Variants in TUBGCP2 observed in about 807,000 individuals in gnomAD.
TUBGCP2 encodes tubulin gamma complex component 2.
Under a neutral mutation model 92.2 loss-of-function variants are expected in TUBGCP2, and 55 were observed. The ratio of observed to expected loss-of-function variants is 0.60; its 90% CI spans 0.48 to 0.75. The LOEUF is 0.75. TUBGCP2 is among the 30% of genes least tolerant of loss of function. The pLI is 0.00. For missense variants in TUBGCP2, 1,093 were observed against 1,188.9 expected, an observed-to-expected ratio of 0.92 and a Z score of 1.19; for synonymous variants, 533 against 505.2, an observed-to-expected ratio of 1.06 and a Z score of -0.74.
At chr10:133,283,782 C>T (rs1847056495) in intron 14 of TUBGCP2, 100 bp downstream of exon 14, 2 of 1,547,058 alleles carry the variant, frequency 1.3e-6, no homozygotes, top group South Asian at 1.2e-5. Context: ...CTCTCCTGCA[C>T]TCCCTGCCTC....
intron 17 of TUBGCP2, among the ~76,000 whole-genome samples, chr10:133,280,290 T>C (rs573310951): frequency 2.0e-5 from 3 of 152,256 alleles, no homozygotes; most frequent in African/African-American, 7.2e-5. Flanking sequence ...GGCCTAGCAA[T>C]GGGGCCTGAG....
chr10:133,308,361 G>A (rs1847878635), intron 1 of TUBGCP2: 1 of 152,244 alleles, frequency 6.6e-6, no homozygotes, highest in Non-Finnish European at 1.5e-5. Context: ...ACCAGGAAAG[G>A]GCCTTTGAAC....
rs775339069 is a variant in TUBGCP2 at position 133,285,574 on chromosome 10, C to T, written c.1777G>A (p.Glu593Lys). ...ITQLLRVLAI[E>K]TKQEKAMAHA... ...GCCATCGCCTTCTCCTGCTTGGTCT[C>T]GATGGCCAGGACGCGCAAGAGCTGA... Residue 593 changes from glutamate to lysine, a missense_variant, in exon 12 of 18, where the codon GAG becomes AAG. Glu to Lys is a moderately conservative substitution (Grantham distance 56). This residue lies in a region of TUBGCP2 where 598 missense variants were observed against 675.5 expected (regional missense o/e 0.89). Coordinates refer to ENST00000252936, the MANE Select transcript of TUBGCP2 (RefSeq NM_006659.4). The surrounding 1 kb of genome is among the most constrained non-coding windows in gnomAD (Gnocchi z 6.8). The T allele has an allele frequency of 3.8e-6, 6 of 1,559,304 alleles. No individual in the cohort carries two copies. The highest frequency in any genetic ancestry group is 4.3e-6 in the Non-Finnish European group (5 of 1,150,064).
Position 133,308,855 on chromosome 10 carries a change from C to A in TUBGCP2, c.-72G>T, listed in dbSNP as rs1847902543. 2 of 1,131,386 alleles carry A rather than the reference C, an allele frequency of 1.8e-6. No homozygotes were observed. Among genetic ancestry groups the A allele is most frequent in the South Asian group, 9.0e-5 (2 of 22,230 alleles). 70.1% of individuals were successfully genotyped at this position (1,131,386 alleles called of 1,614,324 possible). On this transcript the variant is annotated 5_prime_UTR_variant, in exon 1 of 18. Transcript: ENST00000252936. ...CCGGAGCCACAGCCCCCGCGCAGCC[C>A]CCGACGGCGGCGGAAGTGAGCGTGA...
At chr10:133,310,189 C>T, upstream of TUBGCP2, 3 of 1,613,982 alleles carry the variant, frequency 1.9e-6, no homozygotes, top group Non-Finnish European at 1.7e-6. Context: ...GAAGGCTGCA[C>T]AGAGAAGTTC....
chr10:133,287,757 AAAC>A (rs978834133), intron 11 of TUBGCP2, among the ~76,000 whole-genome samples: 30 of 152,054 alleles, frequency 2.0e-4, no homozygotes, highest in African/African-American at 6.3e-4. Context: ...AAAAAACAAA[AAAC>A]AACGACAACA....
chr10:133,303,689 G>A (rs1847736195), intron 1 of TUBGCP2, among the ~76,000 whole-genome samples: 1 of 152,162 alleles, frequency 6.6e-6, no homozygotes, highest in South Asian at 2.1e-4. Context: ...TCACTTGGCC[G>A]GCTCTGCGTT....
chr10:133,282,162 C>G, intron 16 of TUBGCP2, 61 bp downstream of exon 16: 1 of 1,607,434 alleles, frequency 6.2e-7, no homozygotes, highest in Non-Finnish European at 8.5e-7. Flanking sequence ...GTCAGGATGC[C>G]CAGGCTGCCG....
intron 1 of TUBGCP2, among the ~76,000 whole-genome samples, chr10:133,305,096 C>T (rs181259811): frequency 2.7e-4 from 41 of 152,206 alleles, no homozygotes; most frequent in Non-Finnish European, 4.9e-4. Context: ...CAGTCAGGCC[C>T]GCCCGCAGTT....
chr10:133,280,177 T>C (rs1200579686), intron 17 of TUBGCP2, among the ~76,000 whole-genome samples: 2 of 152,158 alleles, frequency 1.3e-5, no homozygotes, highest in Non-Finnish European at 1.5e-5. Flanking sequence ...AACTAATGTT[T>C]CCACAGGAAG....
chr10:133,281,324 C>A lies in TUBGCP2; in HGVS notation c.2522G>T (p.Ser841Ile). ...CTCACAGTCACTGGTGCTATAGATG[C>A]TCAGCCGGGCCAGGAGGTCCAGCAG... ...AHLLDLLARL[S>I]IYSTSDCEHG... Residue 841 changes from serine to isoleucine, a missense_variant, in exon 17 of 18, where the codon AGC (serine) becomes ATC (isoleucine). By Grantham distance (142) the Ser-to-Ile change is moderately radical (BLOSUM62 -2). This residue lies in a region of TUBGCP2 where 598 missense variants were observed against 675.5 expected (regional missense o/e 0.89). Transcript: ENST00000252936. The A allele has an allele frequency of 6.2e-7, 1 of 1,613,456 alleles. No individual in the cohort carries two copies. Among genetic ancestry groups the A allele is most frequent in the Non-Finnish European group, 8.5e-7 (1 of 1,179,990 alleles).
At chr10:133,288,017 G>T in intron 11 of TUBGCP2, 112 bp downstream of exon 11, 3 of 1,361,760 alleles carry the variant, frequency 2.2e-6, no homozygotes, top group Non-Finnish European at 2.9e-6. Context: ...CAGACCCTGC[G>T]GTCGCCTCAC....
chr10:133,281,966 C>A (rs527527076), intron 16 of TUBGCP2, among the ~76,000 whole-genome samples: 1 of 152,376 alleles, frequency 6.6e-6, no homozygotes, highest in South Asian at 2.1e-4. Context: ...CTCGCCCAGG[C>A]GCCCTGCACA....
intron 9 of TUBGCP2, 151 bp downstream of exon 9, chr10:133,289,673 A>G (rs1847224527): frequency 1.0e-6 from 1 of 985,474 alleles, no homozygotes; most frequent in Non-Finnish European, 1.5e-6. Flanking sequence ...CCCACGGGCC[A>G]GTCCTGACCT....
upstream of TUBGCP2, chr10:133,308,873 G>A: frequency 8.4e-7 from 1 of 1,187,740 alleles, no homozygotes; most frequent in Admixed American, 4.4e-5. Context: ...CGGCGGAAGT[G>A]AGCGTGACGT....
At position 133,291,948 on chromosome 10, in the gene TUBGCP2, TCCGTGTCCCC is replaced by T. The variant is rs1264432086; in HGVS notation, c.1214+541_1214+550del. ...TGTCCCCCATGTCCCTCCGTGTCCC[TCCGTGTCCCC>T]GTGTCCCGGGGAGCCCTACCTGTAC... On this transcript the variant is annotated intron_variant, in intron 8 of 17. Transcript: ENST00000252936. 1.5e-3 allele frequency among the ~76,000 whole-genome samples: 29 copies of T among 18,722 alleles called. 2 individuals carry two copies. Among genetic ancestry groups the T allele is most frequent in the Non-Finnish European group, 2.5e-3 (25 of 10,098 alleles). The allele number at this position is 18,722 out of a possible 152,430, so 12.3% of individuals were successfully genotyped here. A position where few individuals can be genotyped will look rare whatever the true frequency, so the allele number is the denominator to read the frequency against.
chr10:133,306,639 T>G (rs1847826229), intron 1 of TUBGCP2, among the ~76,000 whole-genome samples: 1 of 151,804 alleles, frequency 6.6e-6, no homozygotes, highest in African/African-American at 2.4e-5. Flanking sequence ...TACAAAAAAA[T>G]TAGCCGGGGG....
chr10:133,280,049 C>G (rs975526555), intron 17 of TUBGCP2, 148 bp from the exon 18 acceptor site: 2 of 1,306,718 alleles, frequency 1.5e-6, no homozygotes, highest in African/African-American at 3.0e-5. Context: ...GACAGTGGAG[C>G]TGGGGCACAC....
chr10:133,309,264 C>T (rs1445494801), upstream of TUBGCP2: 2 of 1,027,808 alleles, frequency 1.9e-6, no homozygotes, highest in Admixed American at 2.6e-5. Context: ...GTGGAGTGGG[C>T]GGGGCCTGAG....
Sources: gnomAD v4.1 joint callset for allele counts (sites outside exome capture counted in the v4.1 genomes callset) on GRCh38, gnomAD v4.1.1 for gene constraint, gnomAD v4.1.1 regional missense constraint, Gnocchi (gnomAD v3.1) non-coding constraint, MANE v1.5 for transcripts, NCBI Gene and HGNC (gene_info 2026-07-23, HGNC 2026-07-21) for gene names.